CHST11: variants seen among roughly 807,000 people sequenced by gnomAD.
CHST11 encodes the protein carbohydrate sulfotransferase 11, also known as C4S-1.
In CHST11, 9 loss-of-function variants were observed where a neutral mutation model predicts 30.4. That is an observed-to-expected ratio of 0.30 (90% CI 0.18 to 0.52). CHST11 has a LOEUF of 0.52. Ranked by LOEUF, CHST11 falls within the 20% of genes least tolerant of loss-of-function variation. The probability of loss-of-function intolerance (pLI) is 0.97; values close to 1 mark genes in which losing one functional copy is unlikely to be tolerated. For synonymous variants in CHST11, 152 were observed against 187.8 expected (o/e 0.81, Z 1.56); for missense variants, 348 against 460.6 (o/e 0.76, Z 2.24).
intron 2 of CHST11, among the ~76,000 whole-genome samples, chr12:104,667,595 A>T (rs535462508): frequency 6.6e-6 from 1 of 152,262 alleles, no homozygotes; most frequent in South Asian, 2.1e-4. Flanking sequence ...CTGCATTTCC[A>T]TCCAGTGTTG....
chr12:104,730,572 A>C (rs1397949800), intron 2 of CHST11, among the ~76,000 whole-genome samples: 1 of 152,146 alleles, frequency 6.6e-6, no homozygotes, highest in Non-Finnish European at 1.5e-5. Context: ...CAGGTGGCAC[A>C]AAGTGTGGCG....
chr12:104,488,468 T>C (rs1224443824), intron 1 of CHST11, among the ~76,000 whole-genome samples: 1 of 151,832 alleles, frequency 6.6e-6, no homozygotes, highest in African/African-American at 2.4e-5. Context: ...CATGTATGTG[T>C]GTATGCATGT....
Position 104,760,129 on chromosome 12 carries a change from T to A in CHST11, c.*2326T>A, listed in dbSNP as rs2040511631. The A allele has an allele frequency of 1.3e-5, 2 of 152,162 alleles. No individual in the cohort carries two copies. The highest frequency in any genetic ancestry group is 2.9e-5 in the Non-Finnish European group (2 of 68,030). 9.4% of individuals were successfully genotyped at this position (152,162 alleles called of 1,614,324 possible). A position where few individuals can be genotyped will look rare whatever the true frequency, so the allele number is the denominator to read the frequency against. ...GTCTGTAGCATTTCCTGAACTTACATGACCAGGATACTCTATTTTGCAGAT... is the reference window on the plus strand; with the variant it reads ...GTCTGTAGCATTTCCTGAACTTACAAGACCAGGATACTCTATTTTGCAGAT... On this transcript the variant is annotated 3_prime_UTR_variant, in exon 3 of 3. Transcript: ENST00000303694.
At chr12:104,459,820 C>T (rs148706950) in intron 1 of CHST11, among the ~76,000 whole-genome samples, 42 of 152,252 alleles carry the variant, frequency 2.8e-4, no homozygotes, top group African/African-American at 9.4e-4. Flanking sequence ...ATTTAGATCT[C>T]TATAAATATA....
At chr12:104,485,790 A>C (rs1363692329) in intron 1 of CHST11, among the ~76,000 whole-genome samples, 1 of 152,226 alleles carries the variant, frequency 6.6e-6, no homozygotes, top group Non-Finnish European at 1.5e-5. Context: ...CTTGAGCTGC[A>C]AATGGAAACG....
rs200125150 is a variant in CHST11, at chr12:104,646,627, CTACAGAGGTTGCAG to C, written c.204+44638_204+44651del. 0.01 allele frequency among the ~76,000 whole-genome samples: 1,103 copies of C among 106,866 alleles called. 58 individuals carry two copies. In the East Asian group the frequency reaches 0.11, roughly 11 times the overall value. The allele number at this position is 106,866 out of a possible 152,430, so 70.1% of individuals were successfully genotyped here. Reference sequence around the variant, plus strand: ...CGTGCCTGTAGTCCCAGCTAGTTGACTACAGAGGTTGCAGTGAGCCGAGATTGCGCCACTGCACT... The same window carrying C: ...CGTGCCTGTAGTCCCAGCTAGTTGACTGAGCCGAGATTGCGCCACTGCACT... On this transcript the variant is annotated intron_variant, in intron 2 of 2. Coordinates refer to ENST00000303694, the MANE Select transcript of CHST11 (RefSeq NM_018413.6).
At chr12:104,716,728 C>T (rs553331031) in intron 2 of CHST11, among the ~76,000 whole-genome samples, 13 of 152,342 alleles carry the variant, frequency 8.5e-5, no homozygotes, top group Non-Finnish European at 1.3e-4. Context: ...GAATGCTGCT[C>T]ATCCACGGAG....
At chr12:104,726,683 G>T (rs1156314716) in intron 2 of CHST11, among the ~76,000 whole-genome samples, 1 of 152,188 alleles carries the variant, frequency 6.6e-6, no homozygotes, top group African/African-American at 2.4e-5. Flanking sequence ...GGCTGGGAAA[G>T]GGTGTGCCAG....
rs761277058 is a variant in CHST11 at position 104,757,728 on chromosome 12, G to A, written c.984G>A (p.Thr328=). Reference sequence around the variant, plus strand: ...AGAACATCAGCTCAGAGCACCAAACGCAGCTGTACGAAGTCTACAAACTCG... The same window carrying A: ...AGAACATCAGCTCAGAGCACCAAACACAGCTGTACGAAGTCTACAAACTCG... ...FFQNISSEHQ[T]QLYEVYKLDF... Residue 328 remains threonine, a synonymous_variant, in exon 3 of 3, where the codon ACG becomes ACA. Transcript: ENST00000303694. The surrounding 1 kb of genome is among the most constrained non-coding windows in gnomAD (Gnocchi z 6.5). 2.6e-5 allele frequency: 42 copies of A among 1,614,030 alleles called. No homozygotes were observed. Among genetic ancestry groups the A allele is most frequent in the Middle Eastern group, 1.6e-4 (1 of 6,084 alleles).
chr12:104,592,344 G>T (rs2038867380), intron 1 of CHST11, among the ~76,000 whole-genome samples: 1 of 152,262 alleles, frequency 6.6e-6, no homozygotes, highest in African/African-American at 2.4e-5. Flanking sequence ...TCTGGAGGCT[G>T]GGAAGTCCAA....
intron 2 of CHST11, among the ~76,000 whole-genome samples, chr12:104,659,437 T>C (rs914138373): frequency 5.9e-5 from 9 of 152,244 alleles, no homozygotes; most frequent in Middle Eastern, 3.4e-3. Flanking sequence ...CGATCCTCCA[T>C]CCCCACAGTG....
chr12:104,560,599 A>G (rs1250019978), intron 1 of CHST11, among the ~76,000 whole-genome samples: 1 of 152,212 alleles, frequency 6.6e-6, no homozygotes, highest in Non-Finnish European at 1.5e-5. Context: ...CAGAAAAGGC[A>G]CAAGACTTGA....
At chr12:104,724,978 G>A (rs1328364805) in intron 2 of CHST11, among the ~76,000 whole-genome samples, 1 of 152,176 alleles carries the variant, frequency 6.6e-6, no homozygotes, top group Non-Finnish European at 1.5e-5. Context: ...CAACCCAGGA[G>A]TGGAATTCTC....
At chr12:104,618,804 G>A (rs2039133378) in intron 2 of CHST11, among the ~76,000 whole-genome samples, 1 of 152,242 alleles carries the variant, frequency 6.6e-6, no homozygotes, top group Non-Finnish European at 1.5e-5. Context: ...CCTATTCGGG[G>A]AGTTGCAGAA....
At chr12:104,669,594 C>G (rs2039672336) in intron 2 of CHST11, among the ~76,000 whole-genome samples, 1 of 152,186 alleles carries the variant, frequency 6.6e-6, no homozygotes, top group Admixed American at 6.5e-5. Flanking sequence ...AGTGCTCCCC[C>G]TTTCTGCAGT....
At chr12:104,699,072 G>A (rs181498398) in intron 2 of CHST11, among the ~76,000 whole-genome samples, 154 of 152,326 alleles carry the variant, frequency 1.0e-3, no homozygotes, top group African/African-American at 3.4e-3. Context: ...ATGACTAGTT[G>A]CATTAGAATC....
Position 104,696,385 on chromosome 12 carries a change from G to A in CHST11, c.205-60564G>A, listed in dbSNP as rs574834715. ...GGCACGGTGGCTCACGCCTGTAATC[G>A]CAGCACTTTGGGAGGCTGAGGCGGG... On this transcript the variant is annotated intron_variant, in intron 2 of 2. Transcript: ENST00000303694. Among the ~76,000 whole-genome samples, 11 of 147,810 alleles carry A rather than the reference G, an allele frequency of 7.4e-5. No individual in the cohort carries two copies. The East Asian group carries it at 1.8e-3, about 24-fold the overall frequency.
intron 1 of CHST11, among the ~76,000 whole-genome samples, chr12:104,522,757 C>T (rs2038085979): frequency 1.3e-5 from 2 of 152,124 alleles, no homozygotes; most frequent in South Asian, 4.1e-4. Context: ...GCTGGAATTA[C>T]TGGTGTGAAT....
chr12:104,631,710 T>G (rs2039272067), intron 2 of CHST11, among the ~76,000 whole-genome samples: 1 of 152,186 alleles, frequency 6.6e-6, no homozygotes. Context: ...CTACATGATT[T>G]GCAGGACTCA....
Sources: gnomAD v4.1 joint callset for allele counts (sites outside exome capture counted in the v4.1 genomes callset) on GRCh38, gnomAD v4.1.1 for gene constraint, Gnocchi (gnomAD v3.1) non-coding constraint, MANE v1.5 for transcripts, NCBI Gene and HGNC (gene_info 2026-07-23, HGNC 2026-07-21) for gene names.